UCHL3: variants seen among roughly 807,000 people sequenced by gnomAD.
UCHL3 encodes the protein ubiquitin C-terminal hydrolase L3.
Under a neutral mutation model 35.8 loss-of-function variants are expected in UCHL3, and 22 were observed. The ratio of observed to expected loss-of-function variants is 0.61; its 90% confidence interval spans 0.44 to 0.88. UCHL3 has a LOEUF of 0.88. Among genes scored for constraint, UCHL3 ranks in the 40% least tolerant of loss-of-function variants. UCHL3 has a pLI of 0.00. For synonymous variants in UCHL3, 90 were observed against 92.8 expected (o/e 0.97, Z 0.17); for missense variants, 229 against 276.9 (o/e 0.83, Z 1.23).
intron 4 of UCHL3, among the ~76,000 whole-genome samples, 186 bp from the exon 5 acceptor site, chr13:75,567,040 TA>T (rs1444392733): frequency 3.3e-5 from 5 of 152,222 alleles, no homozygotes; most frequent in African/African-American, 1.2e-4. Context: ...TGTTGACTAA[TA>T]GGGGTTAAAC....
At chr13:75,554,935 T>G (rs2031241689) in intron 2 of UCHL3, among the ~76,000 whole-genome samples, 1 of 152,206 alleles carries the variant, frequency 6.6e-6, no homozygotes, top group Admixed American at 6.5e-5. Context: ...CAATGTCTGT[T>G]CCTGTCTTTG....
At chr13:75,557,487 G>C (rs2031332286) in intron 2 of UCHL3, among the ~76,000 whole-genome samples, 1 of 152,280 alleles carries the variant, frequency 6.6e-6, no homozygotes, top group East Asian at 1.9e-4. Flanking sequence ...TGTTGAGTTA[G>C]TCAGAGGTTT....
At chr13:75,589,946 GC>G in intron 6 of UCHL3, 7 of 1,300,090 alleles carry the variant, frequency 5.4e-6, no homozygotes, top group Non-Finnish European at 7.1e-6. Flanking sequence ...AGTCCTCCTC[GC>G]CATCCTCATC....
intron 6 of UCHL3, among the ~76,000 whole-genome samples, chr13:75,581,209 T>C (rs151120515): frequency 6.7e-6 from 1 of 149,782 alleles, no homozygotes; most frequent in East Asian, 1.9e-4. Flanking sequence ...TATAAGGATA[T>C]TTTTCATAAT....
At chr13:75,592,462 A>ACGTATATACAT (rs2032534857) in intron 6 of UCHL3, among the ~76,000 whole-genome samples, 1 of 109,806 alleles carries the variant, frequency 9.1e-6, no homozygotes, top group African/African-American at 3.4e-5. Context: ...ATATATATAT[A>ACGTATATACAT]TATATGAAGG....
intron 6 of UCHL3, among the ~76,000 whole-genome samples, chr13:75,586,506 A>G (rs2032326911): frequency 6.6e-6 from 1 of 152,140 alleles, no homozygotes; most frequent in East Asian, 1.9e-4. Context: ...AACATTGTCA[A>G]ACAACTTGAC....
At chr13:75,575,361 CATAAA>C (rs1370652235) in intron 6 of UCHL3, among the ~76,000 whole-genome samples, 1 of 152,128 alleles carries the variant, frequency 6.6e-6, no homozygotes, top group African/African-American at 2.4e-5. Context: ...AGATTAAAAA[CATAAA>C]AGAAGAATGG....
intron 6 of UCHL3, among the ~76,000 whole-genome samples, chr13:75,588,031 T>A (rs2032374835): frequency 6.6e-6 from 1 of 152,130 alleles, no homozygotes; most frequent in African/African-American, 2.4e-5. Flanking sequence ...AATAATTTTT[T>A]TTTTTCTCTG....
intron 6 of UCHL3, chr13:75,590,070 C>G (rs1392412764): frequency 6.1e-6 from 8 of 1,304,482 alleles, no homozygotes; most frequent in Non-Finnish European, 8.1e-6. Flanking sequence ...CAGTCCATCT[C>G]TCCGTCTTCG....
At chr13:75,578,854 A>T (rs980141738) in intron 6 of UCHL3, among the ~76,000 whole-genome samples, 1 of 152,078 alleles carries the variant, frequency 6.6e-6, no homozygotes. Flanking sequence ...TTAAAGATAC[A>T]TGTGTGTGTT....
Position 75,569,516 on chromosome 13 carries a change from C to G in UCHL3, c.474+9C>G. ...ATGAAGGTCAGACTGAGGTATTTCA[C>G]ATTTTTTCTAAATTTTTCTTGCTAT... On this transcript the variant is annotated intron_variant, in intron 6 of 8. Coordinates refer to ENST00000377595, the MANE Select transcript of UCHL3 (RefSeq NM_006002.5). 1 of 1,604,794 alleles carries G rather than the reference C, an allele frequency of 6.2e-7. No homozygotes were observed. Among genetic ancestry groups the G allele is most frequent in the South Asian group, 1.1e-5 (1 of 88,152 alleles).
At chr13:75,568,509 T>G (rs549941209) in intron 5 of UCHL3, among the ~76,000 whole-genome samples, 2 of 151,854 alleles carry the variant, frequency 1.3e-5, no homozygotes, top group African/African-American at 4.8e-5. Context: ...AAACAAGAAT[T>G]TGATCATACT....
intron 6 of UCHL3, among the ~76,000 whole-genome samples, chr13:75,592,069 A>G (rs2032490658): frequency 6.6e-6 from 1 of 152,038 alleles, no homozygotes; most frequent in Admixed American, 6.6e-5. Flanking sequence ...CATTTAGAAC[A>G]GTGCCTGGTG....
intron 6 of UCHL3, among the ~76,000 whole-genome samples, chr13:75,577,915 C>A (rs1424098894): frequency 2.0e-5 from 3 of 152,032 alleles, no homozygotes; most frequent in Non-Finnish European, 2.9e-5. Context: ...GTAGAGATCA[C>A]CTTATGATTT....
At chr13:75,583,528 A>G (rs1296552566) in intron 6 of UCHL3, among the ~76,000 whole-genome samples, 2 of 152,222 alleles carry the variant, frequency 1.3e-5, no homozygotes, top group Admixed American at 6.5e-5. Context: ...TGTAGCATCT[A>G]TAGTTTAGAA....
intron 2 of UCHL3, among the ~76,000 whole-genome samples, chr13:75,558,597 T>C (rs969339548): frequency 6.6e-6 from 1 of 152,220 alleles, no homozygotes; most frequent in Admixed American, 6.5e-5. Context: ...GTCTTCTGAT[T>C]TGATTAATGA....
chr13:75,601,580 T>C (rs916164900), intron 7 of UCHL3, among the ~76,000 whole-genome samples: 3 of 152,186 alleles, frequency 2.0e-5, no homozygotes, highest in Non-Finnish European at 2.9e-5. Context: ...GGTATGTATA[T>C]TGTTTTCTTA....
intron 6 of UCHL3, among the ~76,000 whole-genome samples, chr13:75,575,642 A>G (rs1025372671): frequency 1.4e-4 from 21 of 152,244 alleles, no homozygotes; most frequent in Non-Finnish European, 2.1e-4. Flanking sequence ...CCAAGGTCAC[A>G]TATCTGCTAA....
intron 2 of UCHL3, among the ~76,000 whole-genome samples, chr13:75,553,385 C>T (rs1364483557): frequency 1.3e-5 from 2 of 152,192 alleles, no homozygotes; most frequent in South Asian, 2.1e-4. Flanking sequence ...TGCCACTTTG[C>T]CAGATCCAGT....
Sources: allele counts gnomAD v4.1 joint callset (sites outside exome capture counted in the v4.1 genomes callset), GRCh38; gene constraint gnomAD v4.1.1; transcripts MANE v1.5; gene names NCBI Gene and HGNC (gene_info 2026-07-23, HGNC 2026-07-21).